Variants in ZDHHC2 observed in about 807,000 individuals in gnomAD.
ZDHHC2 encodes the protein palmitoyltransferase ZDHHC2.
In ZDHHC2, 51 loss-of-function variants were observed where a neutral mutation model predicts 55.6. That is an observed-to-expected ratio of 0.92 (90% CI 0.73 to 1.16). The LOEUF (loss-of-function observed/expected upper bound fraction) is 1.16. Ranked by LOEUF, ZDHHC2 falls within the 50% of genes most tolerant of loss-of-function variation. ZDHHC2 has a pLI of 0.00. For missense variants in ZDHHC2, 491 were observed against 442.4 expected, an observed-to-expected ratio of 1.11 and a Z score of -0.99; for synonymous variants, 199 against 152.9, an observed-to-expected ratio of 1.30 and a Z score of -2.22.
At chr8:17,214,090 GT>G (rs879730698) in intron 10 of ZDHHC2, among the ~76,000 whole-genome samples, 1 of 151,982 alleles carries the variant, frequency 6.6e-6, no homozygotes, top group Admixed American at 6.6e-5. Flanking sequence ...GTTTTAAGTC[GT>G]TTTTTTCTTT....
intron 12 of ZDHHC2, among the ~76,000 whole-genome samples, chr8:17,218,989 G>A (rs1023265921): frequency 2.0e-5 from 3 of 151,326 alleles, no homozygotes; most frequent in East Asian, 2.0e-4. Context: ...GGTGGCTCAC[G>A]CCTGGTAATC....
chr8:17,173,140 G>C (rs562095522), intron 1 of ZDHHC2, among the ~76,000 whole-genome samples: 2 of 152,282 alleles, frequency 1.3e-5, no homozygotes, highest in African/African-American at 4.8e-5. Flanking sequence ...GCAAGGAAGA[G>C]AACGGCTGCC....
intron 12 of ZDHHC2, among the ~76,000 whole-genome samples, chr8:17,219,010 G>A (rs2150952910): frequency 6.6e-6 from 1 of 152,028 alleles, no homozygotes. Flanking sequence ...CCAGCACTTT[G>A]GGAGGCTGAG....
At chr8:17,208,807 C>A (rs1807232202) in intron 8 of ZDHHC2, among the ~76,000 whole-genome samples, 2 of 152,180 alleles carry the variant, frequency 1.3e-5, no homozygotes, top group Admixed American at 6.5e-5. Context: ...TCATCAAAAG[C>A]AAATTTATTG....
In ZDHHC2 at chr8:17,222,767, T is replaced by C. The variant is rs949732427; in HGVS notation, c.*2546T>C. The stretch of plus-strand genomic sequence containing the variant: ...TTATCTGTCTATAAGAAACTGCCTT[T>C]GCACTGACAATGTAAATTATTTTAA... On this transcript the variant is annotated 3_prime_UTR_variant, in exon 13 of 13. Transcript: ENST00000262096. 1.3e-5 allele frequency: 2 copies of C among 151,208 alleles called. No homozygotes were observed. The highest frequency in any genetic ancestry group is 4.9e-5 in the African/African-American group (2 of 41,216). 9.4% of individuals were successfully genotyped at this position (151,208 alleles called of 1,614,324 possible).
chr8:17,192,850 C>A (rs879639600), intron 3 of ZDHHC2, among the ~76,000 whole-genome samples: 7 of 152,142 alleles, frequency 4.6e-5, no homozygotes, highest in Non-Finnish European at 8.8e-5. Flanking sequence ...TATCTAGTTT[C>A]CCCAGCAGCA....
chr8:17,169,269 A>G (rs1055765262), intron 1 of ZDHHC2, among the ~76,000 whole-genome samples: 1 of 141,708 alleles, frequency 7.1e-6, no homozygotes, highest in African/African-American at 2.7e-5. Flanking sequence ...TTGCCATTTC[A>G]TGGTTCAGCA....
chr8:17,189,127 G>GTTTTTTTTTTTTT (rs33942303), intron 3 of ZDHHC2, among the ~76,000 whole-genome samples: 2 of 83,766 alleles, frequency 2.4e-5, no homozygotes, highest in Non-Finnish European at 4.5e-5. Flanking sequence ...GTTTTGTTAT[G>GTTTTTTTTTTTTT]TTTTTTTTTT....
chr8:17,204,114 G>T (rs1454617595), intron 6 of ZDHHC2, among the ~76,000 whole-genome samples: 3 of 152,124 alleles, frequency 2.0e-5, no homozygotes, highest in Non-Finnish European at 4.4e-5. Context: ...CCAACTTGTG[G>T]CTTCTTTATA....
chr8:17,166,875 C>G (rs1379836063), intron 1 of ZDHHC2, among the ~76,000 whole-genome samples: 1 of 152,064 alleles, frequency 6.6e-6, no homozygotes, highest in African/African-American at 2.4e-5. Context: ...ACTCTGATGA[C>G]TTTCAATGTA....
At chr8:17,170,371 C>T (rs1044467977) in intron 1 of ZDHHC2, among the ~76,000 whole-genome samples, 13 of 152,286 alleles carry the variant, frequency 8.5e-5, no homozygotes, top group Admixed American at 5.2e-4. Context: ...TCATCTCTTC[C>T]GGTGTGCCAC....
chr8:17,212,749 A>T (rs1807447079), intron 10 of ZDHHC2, among the ~76,000 whole-genome samples: 1 of 152,132 alleles, frequency 6.6e-6, no homozygotes, highest in Admixed American at 6.5e-5. Flanking sequence ...AAAGCTAATG[A>T]ATGTCTGTTC....
chr8:17,165,529 C>T (rs971309952), intron 1 of ZDHHC2, among the ~76,000 whole-genome samples: 6 of 152,168 alleles, frequency 3.9e-5, no homozygotes, highest in African/African-American at 1.2e-4. Context: ...CCATAGCCTC[C>T]CATAAACTTG....
chr8:17,199,273 C>T (rs897565916), intron 6 of ZDHHC2, among the ~76,000 whole-genome samples: 3 of 152,130 alleles, frequency 2.0e-5, no homozygotes, highest in Non-Finnish European at 4.4e-5. Flanking sequence ...TTCTCCACCT[C>T]GATTTTCTCC....
At chr8:17,177,399 TG>T (rs1360588468) in intron 1 of ZDHHC2, among the ~76,000 whole-genome samples, 2 of 152,318 alleles carry the variant, frequency 1.3e-5, no homozygotes, top group East Asian at 3.9e-4. Context: ...GGACAGACTT[TG>T]TTGGGACAGG....
chr8:17,201,354 T>C (rs1806750818), intron 6 of ZDHHC2, among the ~76,000 whole-genome samples: 2 of 152,080 alleles, frequency 1.3e-5, no homozygotes, highest in African/African-American at 4.8e-5. Flanking sequence ...CCTGGAAATG[T>C]TTCCGTATGA....
chr8:17,157,936 A>G (rs887941552), intron 1 of ZDHHC2, among the ~76,000 whole-genome samples: 1 of 152,238 alleles, frequency 6.6e-6, no homozygotes, highest in Non-Finnish European at 1.5e-5. Flanking sequence ...GTCTGAAGCC[A>G]TCTTACCTCA....
At chr8:17,186,278 A>G in intron 2 of ZDHHC2, 53 bp from the exon 3 acceptor site, 3 of 1,208,542 alleles carry the variant, frequency 2.5e-6, no homozygotes, top group Non-Finnish European at 3.5e-6. Context: ...GACTGTCATA[A>G]TTTTAGTATG....
intron 6 of ZDHHC2, among the ~76,000 whole-genome samples, chr8:17,199,533 T>TTCGTCTTCGTCTTCGTCTTCGTCTTC (rs773429262): frequency 2.6e-4 from 8 of 31,260 alleles, no homozygotes; most frequent in African/African-American, 9.2e-4. Flanking sequence ...CTTCGTCTTC[T>TTCGTCTTCGTCTTCGTCTTCGTCTTC]GTCTTCGTCT....
Sources: gnomAD v4.1 joint callset for allele counts (sites outside exome capture counted in the v4.1 genomes callset) on GRCh38, gnomAD v4.1.1 for gene constraint, MANE v1.5 for transcripts, NCBI Gene and HGNC (gene_info 2026-07-23, HGNC 2026-07-21) for gene names.